SEMA5B: variants seen among roughly 807,000 people sequenced by gnomAD.
SEMA5B encodes the protein semaphorin-5B.
SEMA5B carries 66 observed loss-of-function variants against 135.0 expected under a neutral mutation model. The ratio of observed to expected loss-of-function variants is 0.49; its 90% confidence interval spans 0.40 to 0.60. The LOEUF (loss-of-function observed/expected upper bound fraction) is 0.60. SEMA5B is among the 20% of genes least tolerant of loss of function. The pLI, the probability that SEMA5B is intolerant of heterozygous loss-of-function variation, is 0.00. For synonymous variants in SEMA5B, 690 were observed against 639.5 expected (o/e 1.08, Z -1.19); for missense variants, 1,501 against 1,566.3 (o/e 0.96, Z 0.70).
chr3:122,912,768 G>T (rs1003568208), intron 18 of SEMA5B, 75 bp downstream of exon 18: 38 of 1,378,468 alleles, frequency 2.8e-5, no homozygotes, highest in Admixed American at 1.4e-4. Flanking sequence ...TTCCTGGGTA[G>T]GCCTGGGGCG....
At chr3:122,988,728 T>C (rs887354299) in intron 1 of SEMA5B, among the ~76,000 whole-genome samples, 7 of 152,222 alleles carry the variant, frequency 4.6e-5, no homozygotes, top group Non-Finnish European at 2.9e-5. Context: ...AAAGCTCTGC[T>C]GGGAGAATGG....
In SEMA5B at chr3:122,912,938, T is replaced by C. The variant is rs767467276; in HGVS notation, c.2630A>G (p.Lys877Arg). The C allele has an allele frequency of 2.0e-5, 32 of 1,612,750 alleles. No individual in the cohort carries two copies. The highest frequency in any genetic ancestry group is 2.6e-5 in the Non-Finnish European group (31 of 1,179,512). ...RDCELGFRVR[K>R]RTCTNPEPRN... is the part of the protein sequence containing the mutation. ...GGGCTCCGGGTTAGTGCACGTTCTC[T>C]TGCGGACGCGGAAGCCCAGCTCGCA... The change falls in exon 18 of 23, where the codon AAG (lysine) becomes AGG (arginine). Residue 877 changes from lysine (K) to arginine (R), a missense_variant. Coordinates refer to ENST00000357599, the MANE Select transcript of SEMA5B (RefSeq NM_001031702.4).
chr3:122,965,877 C>T (rs1461428589), intron 1 of SEMA5B, among the ~76,000 whole-genome samples: 1 of 152,206 alleles, frequency 6.6e-6, no homozygotes, highest in African/African-American at 2.4e-5. Context: ...GTAGAGTGGG[C>T]CATGGCTACA....
At chr3:123,012,999 A>G (rs190396570) in intron 1 of SEMA5B, among the ~76,000 whole-genome samples, 2 of 152,356 alleles carry the variant, frequency 1.3e-5, no homozygotes, top group Admixed American at 1.3e-4. Flanking sequence ...AACCATGAGG[A>G]GGAGACAGTG....
chr3:122,925,972 T>C (rs1334388043), intron 9 of SEMA5B, among the ~76,000 whole-genome samples: 1 of 152,106 alleles, frequency 6.6e-6, no homozygotes, highest in Admixed American at 6.5e-5. Flanking sequence ...TGGGAGGTGA[T>C]GGCAGGGTTA....
chr3:122,921,756 C>A (rs188537038), intron 12 of SEMA5B, among the ~76,000 whole-genome samples, 159 bp downstream of exon 12: 1 of 152,230 alleles, frequency 6.6e-6, no homozygotes, highest in Admixed American at 6.5e-5. Flanking sequence ...AGATGTTTTA[C>A]GAGGAGAGAA....
At chr3:123,028,022 C>T (rs1453257806), upstream of SEMA5B, among the ~76,000 whole-genome samples, 1 of 152,174 alleles carries the variant, frequency 6.6e-6, no homozygotes, top group Admixed American at 6.5e-5. Flanking sequence ...CCTTCCCCGG[C>T]CGGCATTCCG....
chr3:122,970,970 C>T (rs1941089214), intron 1 of SEMA5B, among the ~76,000 whole-genome samples: 1 of 152,234 alleles, frequency 6.6e-6, no homozygotes, highest in East Asian at 1.9e-4. Flanking sequence ...ACAGGAAGGG[C>T]TGGATCAAGA....
chr3:122,946,481 G>A (rs542982976), intron 3 of SEMA5B, among the ~76,000 whole-genome samples: 1 of 152,240 alleles, frequency 6.6e-6, no homozygotes, highest in Non-Finnish European at 1.5e-5. Flanking sequence ...TGGAGGCTGG[G>A]GTTGGTGCTG....
chr3:122,918,552 A>C (rs1938189794), intron 12 of SEMA5B, among the ~76,000 whole-genome samples: 1 of 152,212 alleles, frequency 6.6e-6, no homozygotes, highest in African/African-American at 2.4e-5. Context: ...TTGTCTTTCC[A>C]AACCATGGCA....
intron 20 of SEMA5B, among the ~76,000 whole-genome samples, 173 bp from the exon 21 acceptor site, chr3:122,911,708 G>A (rs1937720818): frequency 6.6e-6 from 1 of 152,222 alleles, no homozygotes; most frequent in South Asian, 2.1e-4. Context: ...TCTGAGAAGG[G>A]CTAGCCCATC....
chr3:122,959,686 C>A (rs1940489334), intron 2 of SEMA5B, among the ~76,000 whole-genome samples: 1 of 152,176 alleles, frequency 6.6e-6, no homozygotes, highest in Non-Finnish European at 1.5e-5. Context: ...GGACCAAATG[C>A]ATGCACAGAG....
At chr3:122,936,983 T>G (rs906879436) in intron 5 of SEMA5B, among the ~76,000 whole-genome samples, 8 of 152,244 alleles carry the variant, frequency 5.3e-5, no homozygotes, top group Admixed American at 4.6e-4. Flanking sequence ...ACATTTAGAT[T>G]TTTCTTTACG....
chr3:122,942,647 GT>G (rs1939608927), intron 4 of SEMA5B, among the ~76,000 whole-genome samples: 1 of 152,220 alleles, frequency 6.6e-6, no homozygotes, highest in South Asian at 2.1e-4. Context: ...AATAAGGACG[GT>G]TGGATGACAC....
chr3:123,027,922 C>G (rs1942844632), upstream of SEMA5B: 1 of 152,074 alleles, frequency 6.6e-6, no homozygotes, highest in African/African-American at 2.4e-5. Flanking sequence ...CGCGGAGGAG[C>G]GCGAGGGGGC....
intron 1 of SEMA5B, among the ~76,000 whole-genome samples, chr3:122,975,645 C>T (rs997609321): frequency 6.6e-6 from 1 of 152,212 alleles, no homozygotes; most frequent in Non-Finnish European, 1.5e-5. Context: ...ATGTCAGTCA[C>T]TATTTTATCA....
chr3:122,960,749 TTA>T (rs1374983263), intron 2 of SEMA5B, among the ~76,000 whole-genome samples: 4 of 152,134 alleles, frequency 2.6e-5, no homozygotes, highest in Non-Finnish European at 5.9e-5. Flanking sequence ...ATGATTCCAT[TTA>T]TATGAGGTAC....
intron 1 of SEMA5B, among the ~76,000 whole-genome samples, chr3:122,999,236 T>C (rs925028556): frequency 2.0e-5 from 3 of 151,520 alleles, no homozygotes; most frequent in Non-Finnish European, 4.4e-5. Flanking sequence ...TAGATTTTTC[T>C]TTTTTTTTAG....
At chr3:122,970,171 G>T (rs763177677) in intron 1 of SEMA5B, among the ~76,000 whole-genome samples, 1 of 152,214 alleles carries the variant, frequency 6.6e-6, no homozygotes, top group African/African-American at 2.4e-5. Context: ...ACACAAAACG[G>T]AATGGCAGAG....
Sources: allele counts gnomAD v4.1 joint callset (sites outside exome capture counted in the v4.1 genomes callset), GRCh38; gene constraint gnomAD v4.1.1; transcripts MANE v1.5; gene names NCBI Gene and HGNC (gene_info 2026-07-23, HGNC 2026-07-21).